Variants in SLC6A13 observed in about 807,000 individuals in gnomAD.
SLC6A13 encodes sodium- and chloride-dependent GABA transporter 2.
A neutral mutation model predicts 72.9 loss-of-function variants in SLC6A13; 69 were observed. That is an observed-to-expected ratio of 0.95 (90% confidence interval 0.78 to 1.16). SLC6A13 has a LOEUF of 1.16. SLC6A13 is among the 50% of genes most tolerant of loss of function. The probability of loss-of-function intolerance (pLI) is 0.00; values close to 1 mark genes in which losing one functional copy is unlikely to be tolerated. For synonymous variants in SLC6A13, 303 were observed against 303.0 expected, an observed-to-expected ratio of 1.00 and a Z score of 0.00; for missense variants, 735 against 760.5, an observed-to-expected ratio of 0.97 and a Z score of 0.39.
intron 11 of SLC6A13, chr12:223,741 C>T (rs940325353): frequency 1.4e-5 from 7 of 512,384 alleles, no homozygotes; most frequent in South Asian, 2.3e-5. Flanking sequence ...CAATGCTCCA[C>T]ATACCTCTTC....
intron 10 of SLC6A13, 51 bp from the exon 11 acceptor site, chr12:224,180 C>T (rs1180547949): frequency 6.2e-7 from 1 of 1,609,666 alleles, no homozygotes; most frequent in Non-Finnish European, 8.5e-7. Flanking sequence ...CCGAGATGCC[C>T]TGTCCATGAG....
In SLC6A13 at chr12:223,220, C is replaced by G. The variant is rs756996273; in HGVS notation, c.1326G>C (p.Val442=). The G allele has an allele frequency of 6.2e-7, 1 of 1,611,420 alleles. No individual in the cohort carries two copies. The highest frequency in any genetic ancestry group is 1.1e-5 in the South Asian group (1 of 90,804). ...LIMLTEGGMY[V]FQLFDYYAAS... is the part of the protein sequence containing the mutation. ...CCGCATAGTAGTCAAAGAGCTGGAA[C>G]ACGTACATTCCGCCCTGCATGGGAG... The change falls in exon 12 of 15, where the codon GTG becomes GTC. Residue 442 remains valine (V), a synonymous_variant. Coordinates refer to ENST00000343164, the MANE Select transcript of SLC6A13 (RefSeq NM_016615.5).
chr12:259,497 C>A (rs1942858635), intron 2 of SLC6A13: 1 of 1,318,982 alleles, frequency 7.6e-7, no homozygotes, highest in African/African-American at 1.5e-5. Context: ...GAAAGGCAGG[C>A]ATTATTATCT....
chr12:235,497 C>G (rs1005764520), intron 6 of SLC6A13, among the ~76,000 whole-genome samples: 15 of 152,148 alleles, frequency 9.9e-5, no homozygotes, highest in African/African-American at 3.6e-4. Flanking sequence ...ATTTCTTATG[C>G]CTGTCTTTAC....
chr12:245,902 G>A (rs1416393761), intron 2 of SLC6A13, among the ~76,000 whole-genome samples: 1 of 152,010 alleles, frequency 6.6e-6, no homozygotes, highest in Non-Finnish European at 1.5e-5. Flanking sequence ...TGGATCATGA[G>A]GTCAGGAGAT....
intron 6 of SLC6A13, 161 bp downstream of exon 6, chr12:236,997 C>G: frequency 1.3e-6 from 1 of 757,718 alleles, no homozygotes; most frequent in Non-Finnish European, 2.2e-6. Flanking sequence ...GTATGTGAGT[C>G]TAGGAGAGGC....
chr12:243,914 G>C (rs116630551), intron 2 of SLC6A13, 101 bp from the exon 3 acceptor site: 8 of 1,204,148 alleles, frequency 6.6e-6, no homozygotes, highest in Non-Finnish European at 9.3e-6. Flanking sequence ...TCAGAATCTC[G>C]GAGGCAGAGA....
chr12:247,007 C>CAAAAAA (rs747908813), intron 2 of SLC6A13, among the ~76,000 whole-genome samples: 4 of 113,168 alleles, frequency 3.5e-5, no homozygotes, highest in Non-Finnish European at 5.4e-5. Context: ...GACTCCATCT[C>CAAAAAA]AAAAAAAAAA....
chr12:246,606 T>C (rs1489635499), intron 2 of SLC6A13, among the ~76,000 whole-genome samples: 1 of 152,092 alleles, frequency 6.6e-6, no homozygotes. Context: ...GTGTGTGAGA[T>C]TTAAAGAAAT....
rs577491871 is a variant in SLC6A13, at chr12:231,200, G to C, written c.832-3532C>G. 1.8e-4 allele frequency among the ~76,000 whole-genome samples: 27 copies of C among 152,302 alleles called. 1 individual carries two copies. The highest frequency in any genetic ancestry group is 5.8e-4 in the African/African-American group (24 of 41,562). On this transcript the variant is annotated intron_variant, in intron 7 of 14. Coordinates refer to ENST00000343164, the MANE Select transcript of SLC6A13 (RefSeq NM_016615.5). Reference sequence around the variant, plus strand: ...TGGGTCTCCAGTGGCCAGTCCCCAGGGGGAGGAGACAAGGCCTGGGGATAC... The same window carrying C: ...TGGGTCTCCAGTGGCCAGTCCCCAGCGGGAGGAGACAAGGCCTGGGGATAC...
Position 235,211 on chromosome 12 carries a change from G to A in SLC6A13, c.710C>T (p.Thr237Met), listed in dbSNP as rs776691123. Reference protein sequence around the residue: ...VKSTGKVVYFTATFPYLMLVV... With the variant: ...VKSTGKVVYFMATFPYLMLVV... ...CAGCATGAGGTAAGGAAATGTGGCC[G>A]TGAAGTACACCACCTGGTCATGGGC... The change falls in exon 7 of 15, where the codon ACG (threonine) becomes ATG (methionine). Residue 237 changes from threonine to methionine, a missense_variant. Transcript: ENST00000343164. 5.5e-5 allele frequency: 88 copies of A among 1,614,184 alleles called. 1 individual carries two copies. The South Asian group carries it at 5.8e-4, about 11-fold the overall frequency.
At chr12:235,289 G>T in intron 6 of SLC6A13, 65 bp from the exon 7 acceptor site, 1 of 1,570,108 alleles carries the variant, frequency 6.4e-7, no homozygotes, top group Non-Finnish European at 8.8e-7. Context: ...CAGGAGGCAG[G>T]GGCAGGAGGC....
intron 12 of SLC6A13, 76 bp from the exon 13 acceptor site, chr12:222,708 A>G: frequency 1.2e-6 from 1 of 862,120 alleles, no homozygotes; most frequent in Admixed American, 2.2e-5. Context: ...GGGGCCACAA[A>G]CAGACCAGAA....
chr12:221,014 T>C lies in SLC6A13; in HGVS notation c.1743A>G (p.Gly581=), dbSNP rs758788014. The part of the protein sequence containing the change: ...AEDLPQRNPA[G]PSAPATPRTS... ...TCCTGGGGGTGGCGGGAGCCGAGGG[T>C]CCTGCTGGGTTCCGCTGGGGCAGGT... Residue 581 remains glycine, a synonymous_variant, in exon 15 of 15, where the codon GGA becomes GGG. Transcript: ENST00000343164. The C allele has an allele frequency of 6.8e-6, 11 of 1,611,828 alleles. No homozygotes were observed. Among genetic ancestry groups the C allele is most frequent in the Non-Finnish European group, 8.5e-6 (10 of 1,179,676 alleles).
Position 231,126 on chromosome 12 carries a change from C to T in SLC6A13, c.832-3458G>A, listed in dbSNP as rs78053646. 0.01 allele frequency among the ~76,000 whole-genome samples: 1,548 copies of T among 152,242 alleles called. 72 individuals carry two copies. The East Asian group carries it at 0.15, about 15-fold the overall frequency. ...GTAGAACAGGCACAGGGCCAGGACC[C>T]GGGAAAGAAACAAGTGGTCTGAGTA... On this transcript the variant is annotated intron_variant, in intron 7 of 14. Transcript: ENST00000343164.
At chr12:221,231 C>G in intron 14 of SLC6A13, 145 bp downstream of exon 14, 2 of 1,271,958 alleles carry the variant, frequency 1.6e-6, no homozygotes, top group Non-Finnish European at 2.1e-6. Flanking sequence ...GACTTCTCAG[C>G]AGCCACTCTA....
intron 2 of SLC6A13, among the ~76,000 whole-genome samples, chr12:252,950 G>A (rs1444571284): frequency 1.3e-5 from 2 of 152,310 alleles, no homozygotes; most frequent in East Asian, 1.9e-4. Context: ...GAGAGGGGTC[G>A]GGGTGGGAGG....
At chr12:225,675 A>G (rs960749284) in intron 9 of SLC6A13, among the ~76,000 whole-genome samples, 305 of 140,352 alleles carry the variant, frequency 2.2e-3, no homozygotes, top group African/African-American at 7.6e-3. Context: ...AAAAAAAAAA[A>G]GAGGGAGAGA....
At chr12:246,799 G>A (rs964213109) in intron 2 of SLC6A13, among the ~76,000 whole-genome samples, 2 of 152,128 alleles carry the variant, frequency 1.3e-5, no homozygotes, top group Non-Finnish European at 2.9e-5. Context: ...CCTGAGGTCA[G>A]GAGTTCAAGA....
Sources: gnomAD v4.1 joint callset for allele counts (sites outside exome capture counted in the v4.1 genomes callset) on GRCh38, gnomAD v4.1.1 for gene constraint, MANE v1.5 for transcripts, NCBI Gene and HGNC (gene_info 2026-07-23, HGNC 2026-07-21) for gene names.